Variants in FRMD3 observed in about 807,000 individuals in gnomAD.
The protein encoded by FRMD3 is FERM domain-containing protein 3.
A neutral mutation model predicts 70.2 loss-of-function variants in FRMD3; 33 were observed. The observed-to-expected ratio is 0.47, with a 90% confidence interval of 0.36 to 0.63. The LOEUF (loss-of-function observed/expected upper bound fraction) is 0.63. Among genes scored for constraint, FRMD3 ranks in the 20% least tolerant of loss-of-function variants. The probability of loss-of-function intolerance (pLI) is 0.00; values close to 1 mark genes in which losing one functional copy is unlikely to be tolerated. For synonymous variants in FRMD3, 279 were observed against 255.9 expected (o/e 1.09, Z -0.86); for missense variants, 632 against 711.4 (o/e 0.89, Z 1.27).
chr9:83,284,749 TTGTC>T, intron 13 of FRMD3, among the ~76,000 whole-genome samples: 1 of 152,180 alleles, frequency 6.6e-6, no homozygotes, highest in Non-Finnish European at 1.5e-5. Flanking sequence ...TAGGGTAAAT[TTGTC>T]TGAACCATGA....
At chr9:83,258,048 T>C (rs1832800800) in intron 13 of FRMD3, among the ~76,000 whole-genome samples, 1 of 152,178 alleles carries the variant, frequency 6.6e-6, no homozygotes, top group South Asian at 2.1e-4. Context: ...AAAATACTGA[T>C]GGAAAAGACT....
At chr9:83,268,348 T>G (rs1535746) in intron 13 of FRMD3, among the ~76,000 whole-genome samples, 135,601 of 152,224 alleles carry the variant, frequency 0.89, 61,020 homozygotes, top group East Asian at 1. Context: ...AATACATGGA[T>G]TTTTATAGCT....
At chr9:83,560,289 C>T in the FRMD3 span, among the ~76,000 whole-genome samples, 1 of 152,082 alleles carries the variant, frequency 6.6e-6, no homozygotes, top group Admixed American at 6.5e-5. Flanking sequence ...GTGAAAGTGA[C>T]AGTGTGCTGT....
At chr9:83,278,492 G>C (rs1833865796) in intron 13 of FRMD3, among the ~76,000 whole-genome samples, 1 of 152,200 alleles carries the variant, frequency 6.6e-6, no homozygotes, top group Admixed American at 6.5e-5. Context: ...AATACATTTG[G>C]GTTATACTGA....
chr9:83,510,401 G>A (rs919568221), intron 1 of FRMD3, among the ~76,000 whole-genome samples: 13 of 152,194 alleles, frequency 8.5e-5, no homozygotes, highest in Admixed American at 5.2e-4. Flanking sequence ...ATGTGGAGAT[G>A]TCAGGATCCC....
At chr9:83,484,972 T>C (rs903062426) in intron 1 of FRMD3, among the ~76,000 whole-genome samples, 3 of 152,184 alleles carry the variant, frequency 2.0e-5, no homozygotes, top group African/African-American at 4.8e-5. Context: ...AATAAAAACA[T>C]GTCAATGCCT....
At chr9:83,277,950 C>G (rs1349725527) in intron 13 of FRMD3, among the ~76,000 whole-genome samples, 1 of 152,122 alleles carries the variant, frequency 6.6e-6, no homozygotes, top group Non-Finnish European at 1.5e-5. Flanking sequence ...TTAGGGAAGG[C>G]AGTCAACAAA....
chr9:83,465,965 T>C (rs1043403405), intron 1 of FRMD3, among the ~76,000 whole-genome samples: 2 of 152,248 alleles, frequency 1.3e-5, no homozygotes, highest in Non-Finnish European at 2.9e-5. Flanking sequence ...TAGACTGTTC[T>C]GGGACTTTCA....
rs60192207 is a variant in FRMD3, at chr9:83,507,687, C to CATATATATATAT, written c.147+30397_147+30398insATATATATATAT. Among the ~76,000 whole-genome samples, 17 of 46,928 alleles carry CATATATATATAT rather than the reference C, an allele frequency of 3.6e-4. 4 individuals are homozygous for CATATATATATAT. The highest frequency in any genetic ancestry group is 4.8e-4 in the Non-Finnish European group (10 of 20,918). The allele number at this position is 46,928 out of a possible 152,430, so 30.8% of individuals were successfully genotyped here. A position where few individuals can be genotyped will look rare whatever the true frequency, so the allele number is the denominator to read the frequency against. Reference sequence around the variant, plus strand: ...TCCGTCTCAAACAAAAAAAAATATACATACATATATATATATATATATATA... The same window carrying CATATATATATAT: ...TCCGTCTCAAACAAAAAAAAATATACATATATATATATATACATATATATATATATATATATA... On this transcript the variant is annotated intron_variant, in intron 1 of 13. Transcript: ENST00000304195.
chr9:83,348,000 C>T lies in FRMD3; in HGVS notation c.374+1679G>A, dbSNP rs138591104. 2.3e-3 allele frequency among the ~76,000 whole-genome samples: 345 copies of T among 152,178 alleles called. 4 individuals carry two copies. The highest frequency in any genetic ancestry group is 7.8e-3 in the African/African-American group (324 of 41,528). ...TGTTAGCAAATACAACTGAGAGGGG[C>T]GAGAAACTAGGGTTATTAACTGAAA... is the stretch of plus-strand genomic sequence containing the variant. On this transcript the variant is annotated intron_variant, in intron 4 of 13. Coordinates refer to ENST00000304195, the MANE Select transcript of FRMD3 (RefSeq NM_174938.6).
At chr9:83,263,942 A>C (rs1020361157) in intron 13 of FRMD3, among the ~76,000 whole-genome samples, 1 of 152,184 alleles carries the variant, frequency 6.6e-6, no homozygotes, top group African/African-American at 2.4e-5. Context: ...AAATAGAAAA[A>C]CATAATATTG....
At chr9:83,357,298 A>AT in intron 3 of FRMD3, among the ~76,000 whole-genome samples, 1 of 89,198 alleles carries the variant, frequency 1.1e-5, no homozygotes, top group African/African-American at 3.9e-5. Context: ...TATATATATA[A>AT]AACATTTTCT....
At position 83,245,741 on chromosome 9, in the gene FRMD3, T is replaced by A. The variant is rs1273099526; in HGVS notation, c.*2177A>T. The A allele has an allele frequency of 1.0e-6, 1 of 984,560 alleles. No homozygotes were observed. Among genetic ancestry groups the A allele is most frequent in the Non-Finnish European group, 1.2e-6 (1 of 829,316 alleles). 61.0% of individuals were successfully genotyped at this position (984,560 alleles called of 1,614,324 possible). On this transcript the variant is annotated 3_prime_UTR_variant, in exon 14 of 14. Coordinates refer to ENST00000304195, the MANE Select transcript of FRMD3 (RefSeq NM_174938.6). ...ACTTTAGAGAAAATTATATGACGCA[T>A]GATCAGAAGGGGACTAATTTTGTGC...
At chr9:83,485,700 G>A (rs1828672298) in intron 1 of FRMD3, among the ~76,000 whole-genome samples, 1 of 152,174 alleles carries the variant, frequency 6.6e-6, no homozygotes, top group Admixed American at 6.5e-5. Flanking sequence ...GAAGGGCAAA[G>A]AAGGAACAGG....
At chr9:83,335,692 G>T in intron 5 of FRMD3, 53 bp from the exon 6 acceptor site, 1 of 1,557,226 alleles carries the variant, frequency 6.4e-7, no homozygotes, top group Non-Finnish European at 8.8e-7. Flanking sequence ...ACAATAACAT[G>T]AGCAGGGTGC....
At chr9:83,475,432 A>G (rs901117596) in intron 1 of FRMD3, among the ~76,000 whole-genome samples, 1 of 152,132 alleles carries the variant, frequency 6.6e-6, no homozygotes, top group Non-Finnish European at 1.5e-5. Context: ...AGTTCAATAG[A>G]AAATGCCCAG....
At chr9:83,580,286 T>G in the FRMD3 span, among the ~76,000 whole-genome samples, 2 of 152,104 alleles carry the variant, frequency 1.3e-5, no homozygotes, top group Non-Finnish European at 2.9e-5. Flanking sequence ...TCTGGGAACA[T>G]ATTCAAAGGA....
rs1180722511 is a variant in FRMD3, at chr9:83,332,120, T to C, written c.596+3396A>G. 2.0e-5 allele frequency among the ~76,000 whole-genome samples: 3 copies of C among 152,130 alleles called. No homozygotes were observed. In the East Asian group the frequency reaches 5.8e-4, roughly 29 times the overall value. ...CTTTCTTGCTCTAAGCCACTGAGCA[T>C]TGGGTGTTTGTTTCCTCAGCAAAAT... On this transcript the variant is annotated intron_variant, in intron 6 of 13. Coordinates refer to ENST00000304195, the MANE Select transcript of FRMD3 (RefSeq NM_174938.6).
At chr9:83,441,522 C>G (rs948146934) in intron 1 of FRMD3, among the ~76,000 whole-genome samples, 1 of 152,080 alleles carries the variant, frequency 6.6e-6, no homozygotes, top group African/African-American at 2.4e-5. Flanking sequence ...ATTAAAAGCT[C>G]AAGGGCACTG....
Sources: allele counts gnomAD v4.1 joint callset (sites outside exome capture counted in the v4.1 genomes callset), GRCh38; gene constraint gnomAD v4.1.1; transcripts MANE v1.5; gene names NCBI Gene and HGNC (gene_info 2026-07-23, HGNC 2026-07-21).